Variants in AMMECR1 observed in about 807,000 individuals in gnomAD.
AMMECR1 encodes nuclear protein AMMECR1.
A neutral mutation model predicts 22.5 loss-of-function variants in AMMECR1; 3 were observed. The ratio of observed to expected loss-of-function variants is 0.13; its 90% CI spans 0.06 to 0.35. AMMECR1 has a LOEUF of 0.35. Ranked by LOEUF, AMMECR1 falls within the 10% of genes least tolerant of loss-of-function variation. AMMECR1 has a pLI of 1.00. For missense variants in AMMECR1, 235 were observed against 278.7 expected, an observed-to-expected ratio of 0.84 and a Z score of 1.12; for synonymous variants, 130 against 116.7, an observed-to-expected ratio of 1.11 and a Z score of -0.74.
At chrX:110,406,039 G>T (rs904206617) in intron 2 of AMMECR1, among the ~76,000 whole-genome samples, 2 of 110,807 alleles carry the variant, frequency 1.8e-5, no homozygotes, top group East Asian at 2.8e-4. Flanking sequence ...TTAGAGATTT[G>T]TTCTTTTCTC....
At chrX:110,210,586 G>C (rs901140131) in intron 3 of AMMECR1, among the ~76,000 whole-genome samples, 1 of 111,787 alleles carries the variant, frequency 8.9e-6, no homozygotes, top group Non-Finnish European at 1.9e-5. Flanking sequence ...AAACCTTTAA[G>C]GGGGGAGTGA....
chrX:110,232,889 CAAAAAAAAAAAAA>C (rs775605567), intron 2 of AMMECR1, among the ~76,000 whole-genome samples: 1 of 11,917 alleles, frequency 8.4e-5, no homozygotes, highest in Non-Finnish European at 1.3e-4. Context: ...GACTCAGTCT[CAAAAAAAAAAAAA>C]AAAAAAAAAA....
At chrX:110,339,413 A>C (rs1450723802) in intron 2 of AMMECR1, among the ~76,000 whole-genome samples, 2 of 108,438 alleles carry the variant, frequency 1.8e-5, no homozygotes, top group Non-Finnish European at 3.8e-5. Flanking sequence ...AAAAAAAAAA[A>C]AAAAAAAAAA....
intron 3 of AMMECR1, among the ~76,000 whole-genome samples, chrX:110,206,765 A>G (rs1466248157): frequency 9.0e-6 from 1 of 111,520 alleles, no homozygotes; most frequent in Admixed American, 9.5e-5. Flanking sequence ...ATCCTGTTTT[A>G]GCAAATACCA....
At chrX:110,301,245 G>A (rs779284085) in intron 1 of AMMECR1, among the ~76,000 whole-genome samples, 22 of 112,351 alleles carry the variant, frequency 2.0e-4, no homozygotes, top group East Asian at 8.4e-4. Context: ...GCTAATGATC[G>A]ACATATTTTC....
chrX:110,348,863 C>A (rs12396906), intron 2 of AMMECR1, among the ~76,000 whole-genome samples: 2,386 of 111,551 alleles, frequency 0.021, 68 homozygotes, highest in African/African-American at 0.073. Context: ...GTAAAATGGG[C>A]AGGGAAATGC....
At chrX:110,361,776 C>T (rs955879474) in intron 2 of AMMECR1, among the ~76,000 whole-genome samples, 1 of 112,366 alleles carries the variant, frequency 8.9e-6, no homozygotes, top group Non-Finnish European at 1.9e-5. Context: ...CATCTATCTC[C>T]TTCTGCTAGA....
At chrX:110,328,777 C>A (rs2068108774) in intron 2 of AMMECR1, among the ~76,000 whole-genome samples, 1 of 111,097 alleles carries the variant, frequency 9.0e-6, no homozygotes, top group South Asian at 3.8e-4. Flanking sequence ...TCATCCATGT[C>A]CCTGCAAAGG....
intron 2 of AMMECR1, among the ~76,000 whole-genome samples, chrX:110,416,030 C>T (rs1298673447): frequency 9.2e-6 from 1 of 108,692 alleles, no homozygotes; most frequent in African/African-American, 3.4e-5. Flanking sequence ...AAATGGGAAG[C>T]AGACTCAGAT....
chrX:110,267,466 C>G (rs1454604178), intron 1 of AMMECR1, among the ~76,000 whole-genome samples: 1 of 110,066 alleles, frequency 9.1e-6, no homozygotes, highest in Non-Finnish European at 1.9e-5. Flanking sequence ...ATCAGAAATA[C>G]AGAAATGTAT....
intron 2 of AMMECR1, among the ~76,000 whole-genome samples, chrX:110,392,196 C>CA (rs2068498475): frequency 9.2e-6 from 1 of 108,992 alleles, no homozygotes; most frequent in Non-Finnish European, 1.9e-5. Context: ...CTATCAGCTT[C>CA]AAATGTACAT....
chrX:110,361,248 C>G (rs1031347166), intron 2 of AMMECR1, among the ~76,000 whole-genome samples: 3 of 111,243 alleles, frequency 2.7e-5, no homozygotes, highest in African/African-American at 9.8e-5. Context: ...CTTTCATATC[C>G]TACATTTATT....
chrX:110,227,357 G>A lies in AMMECR1; in HGVS notation c.585-10725C>T, dbSNP rs145201072. Among the ~76,000 whole-genome samples the A allele has an allele frequency of 8.3e-3, 930 of 111,591 alleles. 11 individuals carry two copies. The highest frequency in any genetic ancestry group is 0.028 in the African/African-American group (869 of 30,670). ...GGCAGGATACTGGTTCCTATCATGC[G>A]GCCTGTTTATAATTTTCTGCATATG... On this transcript the variant is annotated intron_variant, in intron 2 of 5. Transcript: ENST00000262844.
chrX:110,369,424 C>A (rs2068322116), intron 2 of AMMECR1, among the ~76,000 whole-genome samples: 1 of 112,050 alleles, frequency 8.9e-6, no homozygotes, highest in South Asian at 3.8e-4. Context: ...ATTAGGTGTA[C>A]ACGATACAAA....
At chrX:110,283,615 C>T (rs1474000382) in intron 1 of AMMECR1, among the ~76,000 whole-genome samples, 1 of 111,662 alleles carries the variant, frequency 9.0e-6, no homozygotes, top group Admixed American at 9.5e-5. Context: ...CTCCCTTGGG[C>T]CTCTTTTATA....
At chrX:110,320,109 C>T (rs1029591263), upstream of AMMECR1, among the ~76,000 whole-genome samples, 6 of 112,254 alleles carry the variant, frequency 5.3e-5, no homozygotes, top group Admixed American at 4.7e-4. Flanking sequence ...CAAACTTCAT[C>T]ACTGTTAGAA....
intron 2 of AMMECR1, among the ~76,000 whole-genome samples, chrX:110,220,785 A>T (rs2067496152): frequency 8.9e-6 from 1 of 112,037 alleles, no homozygotes; most frequent in Non-Finnish European, 1.9e-5. Flanking sequence ...TGTCAAAGTT[A>T]ATATATAATG....
At chrX:110,341,014 C>T (rs2068161940) in intron 2 of AMMECR1, among the ~76,000 whole-genome samples, 1 of 112,453 alleles carries the variant, frequency 8.9e-6, no homozygotes, top group Non-Finnish European at 1.9e-5. Context: ...AAAGATGCTA[C>T]TATTAATACC....
intron 2 of AMMECR1, among the ~76,000 whole-genome samples, chrX:110,402,834 G>T (rs2068574233): frequency 8.9e-6 from 1 of 112,158 alleles, no homozygotes; most frequent in South Asian, 3.8e-4. Context: ...GGTCCTGAAA[G>T]GGGGGTGTCT....
Sources: gnomAD v4.1 joint callset for allele counts (sites outside exome capture counted in the v4.1 genomes callset) on GRCh38, gnomAD v4.1.1 for gene constraint, MANE v1.5 for transcripts, NCBI Gene and HGNC (gene_info 2026-07-23, HGNC 2026-07-21) for gene names.